The following TSNARE1 variants were observed in gnomAD, a reference collection of about 807,000 sequenced individuals.
The protein encoded by TSNARE1 is t-SNARE domain containing 1.
In TSNARE1, 49 loss-of-function variants were observed where a neutral mutation model predicts 62.0. That is an observed-to-expected ratio of 0.79 (90% CI 0.63 to 1.00). The LOEUF (loss-of-function observed/expected upper bound fraction) is 1.00, where lower values mean the gene tolerates loss of function less well. Ranked by LOEUF, TSNARE1 falls within the 50% of genes least tolerant of loss-of-function variation. TSNARE1 has a pLI of 0.00. For missense variants in TSNARE1, 755 were observed against 700.1 expected (o/e 1.08, Z -0.88); for synonymous variants, 328 against 294.4 (o/e 1.11, Z -1.17).
At chr8:142,331,621 A>G (rs1831047599) in intron 5 of TSNARE1, 133 bp downstream of exon 5, 3 of 812,770 alleles carry the variant, frequency 3.7e-6, no homozygotes, top group East Asian at 5.4e-5. Context: ...GCATCAGTGG[A>G]CCCACGAAAC....
At chr8:142,329,077 G>C (rs1387944086) in intron 6 of TSNARE1, among the ~76,000 whole-genome samples, 1 of 152,194 alleles carries the variant, frequency 6.6e-6, no homozygotes, top group African/African-American at 2.4e-5. Flanking sequence ...CGTCAATGTG[G>C]AGGAAATATA....
chr8:142,265,526 G>A (rs1819090519), intron 12 of TSNARE1, among the ~76,000 whole-genome samples: 6 of 152,150 alleles, frequency 3.9e-5, no homozygotes, highest in Admixed American at 3.3e-4. Flanking sequence ...TCCACTTTGG[G>A]GCCATGGCAG....
At chr8:142,328,248 A>C (rs1038819916) in intron 6 of TSNARE1, among the ~76,000 whole-genome samples, 2 of 152,068 alleles carry the variant, frequency 1.3e-5, no homozygotes, top group African/African-American at 4.8e-5. Flanking sequence ...TAGCTGTTAG[A>C]TATAAGGGAG....
chr8:142,391,160 G>A (rs1587133696), intron 1 of TSNARE1, among the ~76,000 whole-genome samples: 7 of 140,264 alleles, frequency 5.0e-5, no homozygotes, highest in East Asian at 2.1e-4. Context: ...ACACTGCTGG[G>A]GACTCTGTAA....
At chr8:142,280,140 G>A (rs1187702807) in intron 11 of TSNARE1, 2 of 1,081,050 alleles carry the variant, frequency 1.9e-6, no homozygotes, top group African/African-American at 1.7e-5. Flanking sequence ...GCGGGTAGTG[G>A]CGCCGCACCC....
chr8:142,270,473 T>C, intron 12 of TSNARE1: 2 of 908,628 alleles, frequency 2.2e-6, no homozygotes, highest in Admixed American at 8.5e-5. Context: ...TACCAAGTAA[T>C]ATATAGGCAT....
At chr8:142,274,718 G>A in intron 12 of TSNARE1, 63 bp downstream of exon 12, 1 of 1,428,766 alleles carries the variant, frequency 7.0e-7, no homozygotes, top group East Asian at 2.8e-5. Context: ...GACGGAGGGA[G>A]GGTTGGAGGA....
intron 12 of TSNARE1, among the ~76,000 whole-genome samples, chr8:142,268,629 G>A (rs1441207728): frequency 7.9e-6 from 1 of 126,516 alleles, no homozygotes; most frequent in East Asian, 3.8e-4. Context: ...CTGAAGCCGT[G>A]TTTTCCAGCT....
At chr8:142,405,255 C>T (rs1262614728), upstream of TSNARE1, 3 of 152,358 alleles carry the variant, frequency 2.0e-5, no homozygotes, top group East Asian at 5.8e-4. Flanking sequence ...GGCTCCCCTC[C>T]CTTCCCTCAT....
At chr8:142,212,512 C>T (rs1815593387) in intron 13 of TSNARE1, among the ~76,000 whole-genome samples, 199 bp from the exon 14 acceptor site, 1 of 152,052 alleles carries the variant, frequency 6.6e-6, no homozygotes, top group African/African-American at 2.4e-5. Context: ...GGTCAGGCTC[C>T]ACGCAGGCCT....
At chr8:142,329,058 T>C (rs1830655253) in intron 6 of TSNARE1, among the ~76,000 whole-genome samples, 1 of 152,212 alleles carries the variant, frequency 6.6e-6, no homozygotes, top group Non-Finnish European at 1.5e-5. Flanking sequence ...TGTCCTTAGT[T>C]GGCAACTTCG....
At chr8:142,256,383 C>T (rs1335083691) in intron 12 of TSNARE1, among the ~76,000 whole-genome samples, 1 of 127,690 alleles carries the variant, frequency 7.8e-6, no homozygotes, top group Non-Finnish European at 1.7e-5. Flanking sequence ...CCACCATCAT[C>T]ATCACCAATA....
chr8:142,261,812 A>G (rs1385442703), intron 12 of TSNARE1, among the ~76,000 whole-genome samples: 2 of 152,146 alleles, frequency 1.3e-5, no homozygotes, highest in African/African-American at 4.8e-5. Flanking sequence ...CTCCTCCAAC[A>G]TGCTACGAGT....
upstream of TSNARE1, chr8:142,406,703 G>C (rs985546543): frequency 1.3e-5 from 2 of 152,292 alleles, no homozygotes; most frequent in Admixed American, 1.3e-4. Context: ...TGCAGGGGCA[G>C]AGCGGTCATG....
chr8:142,240,484 G>T (rs868763468), intron 12 of TSNARE1, among the ~76,000 whole-genome samples: 5 of 152,132 alleles, frequency 3.3e-5, no homozygotes, highest in Admixed American at 6.6e-5. Flanking sequence ...GAACTACAAA[G>T]TTAACAAGCT....
intron 12 of TSNARE1, among the ~76,000 whole-genome samples, chr8:142,244,800 G>C (rs1817816741): frequency 6.6e-6 from 1 of 152,216 alleles, no homozygotes; most frequent in Non-Finnish European, 1.5e-5. Context: ...AGGGAGGCTG[G>C]CACAGAACCT....
chr8:142,256,281 T>C (rs965235655), intron 12 of TSNARE1, among the ~76,000 whole-genome samples: 1,884 of 22,720 alleles, frequency 0.083, no homozygotes, highest in Middle Eastern at 0.12. Context: ...CCACCACCAT[T>C]ACCATCATCA....
chr8:142,223,046 ACTCATTCACTCATTCACTTACTCG>A, intron 13 of TSNARE1, among the ~76,000 whole-genome samples: 7 of 146,974 alleles, frequency 4.8e-5, no homozygotes, highest in Non-Finnish European at 1.0e-4. Context: ...TCACTCACTC[ACTCATTCACTCATTCACTTACTCG>A]CTCATACTCA....
intron 9 of TSNARE1, among the ~76,000 whole-genome samples, chr8:142,304,990 T>G (rs1243206762): frequency 6.6e-6 from 1 of 151,814 alleles, no homozygotes; most frequent in Non-Finnish European, 1.5e-5. Context: ...ACTTTTGAGG[T>G]AAGAGGTCCC....
Sources: allele counts gnomAD v4.1 joint callset (sites outside exome capture counted in the v4.1 genomes callset), GRCh38; gene constraint gnomAD v4.1.1; transcripts MANE v1.5; gene names NCBI Gene and HGNC (gene_info 2026-07-23, HGNC 2026-07-21).